Variants in GABRG3 observed in about 807,000 individuals in gnomAD.
The protein encoded by GABRG3 is gamma-aminobutyric acid receptor subunit gamma-3.
GABRG3 carries 25 observed loss-of-function variants against 48.8 expected under a neutral mutation model. The ratio of observed to expected loss-of-function variants is 0.51; its 90% confidence interval spans 0.37 to 0.72. The LOEUF is 0.72. GABRG3 is among the 30% of genes least tolerant of loss of function. The pLI, the probability that GABRG3 is intolerant of heterozygous loss-of-function variation, is 0.00. For synonymous variants in GABRG3, 227 were observed against 217.6 expected, an observed-to-expected ratio of 1.04 and a Z score of -0.38; for missense variants, 394 against 577.9, an observed-to-expected ratio of 0.68 and a Z score of 3.26.
chr15:27,145,603 CTCTATCTATCTATCTA>C lies in GABRG3; in HGVS notation c.270+118828_270+118843del, dbSNP rs140259026. On this transcript the variant is annotated intron_variant, in intron 3 of 9. Coordinates refer to ENST00000615808, the MANE Select transcript of GABRG3 (RefSeq NM_033223.5). ...ACTAGGCATATATACATATATCTAT[CTCTATCTATCTATCTA>C]TCTATCTATCTATCTATCTATCTAT... Among the ~76,000 whole-genome samples, 62 of 102,388 alleles carry C rather than the reference CTCTATCTATCTATCTA, an allele frequency of 6.1e-4. 1 individual carries two copies. In the East Asian group the frequency reaches 8.1e-3, roughly 13 times the overall value. 67.2% of individuals were successfully genotyped at this position (102,388 alleles called of 152,430 possible). A position where few individuals can be genotyped will look rare whatever the true frequency, so the allele number is the denominator to read the frequency against.
chr15:26,995,396 C>T (rs1425189548), intron 2 of GABRG3, among the ~76,000 whole-genome samples: 1 of 151,718 alleles, frequency 6.6e-6, no homozygotes, highest in East Asian at 1.9e-4. Context: ...GTTTTTATGC[C>T]CATTCTCATA....
intron 3 of GABRG3, among the ~76,000 whole-genome samples, chr15:27,077,790 C>G (rs550167609): frequency 1.3e-5 from 2 of 152,208 alleles, no homozygotes; most frequent in East Asian, 3.9e-4. Context: ...CTTTTTTTCT[C>G]TCTTGTCCTA....
chr15:27,315,275 A>C (rs1028646342), intron 3 of GABRG3, among the ~76,000 whole-genome samples: 3 of 152,216 alleles, frequency 2.0e-5, no homozygotes, highest in Non-Finnish European at 2.9e-5. Context: ...CTACTTCAAA[A>C]TTGTGCTGAG....
chr15:27,023,237 C>A (rs1012300564), intron 2 of GABRG3, among the ~76,000 whole-genome samples: 1 of 152,136 alleles, frequency 6.6e-6, no homozygotes, highest in African/African-American at 2.4e-5. Flanking sequence ...CCCACCACCC[C>A]ATTTCTGGCT....
intron 1 of GABRG3, among the ~76,000 whole-genome samples, chr15:26,973,576 G>A (rs1249906857): frequency 6.6e-6 from 1 of 152,146 alleles, no homozygotes; most frequent in East Asian, 1.9e-4. Flanking sequence ...GAAGTTCCTT[G>A]GATAAGGGTC....
At chr15:26,971,855 G>A (rs181167489) in intron 1 of GABRG3, among the ~76,000 whole-genome samples, 138 of 152,244 alleles carry the variant, frequency 9.1e-4, no homozygotes, top group Middle Eastern at 3.4e-3. Context: ...TGGTTTTAAG[G>A]GGTTTTGAGA....
rs372851822 is a variant in GABRG3 at position 27,211,037 on chromosome 15, T to C, written c.271-115772T>C. 3.9e-5 allele frequency among the ~76,000 whole-genome samples: 6 copies of C among 152,252 alleles called. No homozygotes were observed. The South Asian group carries it at 1.0e-3, about 26-fold the overall frequency. On this transcript the variant is annotated intron_variant, in intron 3 of 9. Coordinates refer to ENST00000615808, the MANE Select transcript of GABRG3 (RefSeq NM_033223.5). Reference sequence around the variant, plus strand: ...AATTATCAGAGCATGTCTTAGCCTGTAAGGGAGTAGATTTTTGTCATTGTA... The same window carrying C: ...AATTATCAGAGCATGTCTTAGCCTGCAAGGGAGTAGATTTTTGTCATTGTA...
At chr15:27,001,796 C>T (rs60579567) in intron 2 of GABRG3, among the ~76,000 whole-genome samples, 1 of 151,648 alleles carries the variant, frequency 6.6e-6, no homozygotes, top group African/African-American at 2.4e-5. Flanking sequence ...CCAAGGCAGT[C>T]CTTGAATCTG....
intron 5 of GABRG3, among the ~76,000 whole-genome samples, chr15:27,393,467 G>A (rs1413385226): frequency 1.3e-5 from 2 of 152,092 alleles, no homozygotes; most frequent in African/African-American, 2.4e-5. Flanking sequence ...GAGAATATAT[G>A]TGTTTATAAT....
At chr15:27,026,665 T>G in intron 2 of GABRG3, 89 bp from the exon 3 acceptor site, 1 of 765,468 alleles carries the variant, frequency 1.3e-6, no homozygotes, top group South Asian at 2.1e-5. Context: ...GTCCTTGTGA[T>G]GCTATGTATG....
intron 3 of GABRG3, among the ~76,000 whole-genome samples, chr15:27,299,474 A>G (rs1488618787): frequency 2.0e-5 from 3 of 152,318 alleles, no homozygotes; most frequent in Admixed American, 2.0e-4. Context: ...TTTGAACTCA[A>G]CACAACTTGA....
At chr15:27,087,363 T>C (rs535026965) in intron 3 of GABRG3, among the ~76,000 whole-genome samples, 72 of 152,286 alleles carry the variant, frequency 4.7e-4, no homozygotes, top group African/African-American at 1.7e-3. Flanking sequence ...CTCTGTAGGA[T>C]GAGTGGCTCA....
chr15:27,315,027 C>T (rs1220562184), intron 3 of GABRG3, among the ~76,000 whole-genome samples: 3 of 152,068 alleles, frequency 2.0e-5, no homozygotes, highest in African/African-American at 4.8e-5. Context: ...GTGTATCATA[C>T]GCTTAAAATT....
At chr15:27,086,086 A>T (rs1897071460) in intron 3 of GABRG3, among the ~76,000 whole-genome samples, 1 of 151,676 alleles carries the variant, frequency 6.6e-6, no homozygotes, top group Non-Finnish European at 1.5e-5. Flanking sequence ...CATACAGTTT[A>T]ACAAAATTGA....
intron 3 of GABRG3, among the ~76,000 whole-genome samples, chr15:27,218,092 C>T (rs188001541): frequency 6.6e-6 from 1 of 152,266 alleles, no homozygotes. Flanking sequence ...TCGCTGTAGC[C>T]TCCACCCTCC....
intron 5 of GABRG3, among the ~76,000 whole-genome samples, chr15:27,336,324 AGAT>A (rs1344848710): frequency 2.6e-5 from 4 of 151,768 alleles, no homozygotes; most frequent in Admixed American, 2.0e-4. Context: ...AAAAGAAAGA[AGAT>A]GAAGAAAAAG....
chr15:27,529,994 A>AG (rs1891383044), intron 9 of GABRG3, among the ~76,000 whole-genome samples: 1 of 152,174 alleles, frequency 6.6e-6, no homozygotes, highest in African/African-American at 2.4e-5. Flanking sequence ...GTGAGAAGAC[A>AG]CAACCAGAGA....
intron 5 of GABRG3, among the ~76,000 whole-genome samples, chr15:27,436,993 A>AAGAG (rs1555382018): frequency 1.3e-5 from 1 of 76,232 alleles, no homozygotes; most frequent in African/African-American, 6.7e-5. Context: ...TTCTCCGAAA[A>AAGAG]ATAGAGAGAG....
chr15:27,536,348 G>C lies in GABRG3; in HGVS notation c.*3467G>C, dbSNP rs1891546721. On this transcript the variant is annotated 3_prime_UTR_variant, in exon 10 of 10. Transcript: ENST00000615808. ...ATTTACTCTGGACCCAGCCAATACT[G>C]CCCCCAATTTACCCAAAACATGCCT... 6.6e-6 allele frequency: 1 copy of C among 152,078 alleles called. No homozygotes were observed. Among genetic ancestry groups the C allele is most frequent in the Non-Finnish European group, 1.5e-5 (1 of 68,030 alleles). The allele number at this position is 152,078 out of a possible 1,614,324, so 9.4% of individuals were successfully genotyped here.
Sources: allele counts gnomAD v4.1 joint callset (sites outside exome capture counted in the v4.1 genomes callset), GRCh38; gene constraint gnomAD v4.1.1; transcripts MANE v1.5; gene names NCBI Gene and HGNC (gene_info 2026-07-23, HGNC 2026-07-21).